The following CHCHD3 variants were observed in gnomAD, a reference collection of about 807,000 sequenced individuals.
CHCHD3 encodes the protein MICOS complex subunit MIC19.
A neutral mutation model predicts 38.2 loss-of-function variants in CHCHD3; 20 were observed. The ratio of observed to expected loss-of-function variants is 0.52; its 90% CI spans 0.37 to 0.76. The LOEUF (loss-of-function observed/expected upper bound fraction) is 0.76, where lower values mean the gene tolerates loss of function less well. CHCHD3 is among the 30% of genes least tolerant of loss of function. The pLI is 0.00. For synonymous variants in CHCHD3, 82 were observed against 100.0 expected, an observed-to-expected ratio of 0.82 and a Z score of 1.07; for missense variants, 245 against 279.2, an observed-to-expected ratio of 0.88 and a Z score of 0.87.
chr7:132,873,414 ATTTT>A lies in CHCHD3; in HGVS notation c.453+12244_453+12247del, dbSNP rs57694292. 2.8e-3 allele frequency among the ~76,000 whole-genome samples: 364 copies of A among 129,564 alleles called. 1 individual carries two copies. The highest frequency in any genetic ancestry group is 6.6e-3 in the African/African-American group (239 of 35,950). 85.0% of individuals were successfully genotyped at this position (129,564 alleles called of 152,430 possible). On this transcript the variant is annotated intron_variant, in intron 5 of 7. Coordinates refer to ENST00000262570, the MANE Select transcript of CHCHD3 (RefSeq NM_017812.4). ...ATAATAATCCCTCAATTCATGGTAA[ATTTT>A]TTTTTTTTTTTTTTGAGACGGGTCT... is the stretch of plus-strand genomic sequence containing the variant.
intron 3 of CHCHD3, among the ~76,000 whole-genome samples, chr7:132,980,902 G>T (rs779067927): frequency 6.6e-6 from 1 of 152,158 alleles, no homozygotes; most frequent in African/African-American, 2.4e-5. Flanking sequence ...AGTAGAAAGA[G>T]AATTTTAAAG....
chr7:133,055,224 AT>A (rs1227423587), intron 2 of CHCHD3, among the ~76,000 whole-genome samples: 1 of 148,104 alleles, frequency 6.8e-6, no homozygotes, highest in African/African-American at 2.5e-5. Flanking sequence ...TACACATATA[AT>A]TTTGCATATA....
At position 132,992,780 on chromosome 7, in the gene CHCHD3, C is replaced by CT. The variant is rs542266437; in HGVS notation, c.252-17495dup. On this transcript the variant is annotated intron_variant, in intron 3 of 7. Coordinates refer to ENST00000262570, the MANE Select transcript of CHCHD3 (RefSeq NM_017812.4). Reference sequence around the variant, plus strand: ...GTTAAACAGTACTGCTTTAGAGTTACTTTTTTTTGTTTGTTTTTGCCTTTT... The same window carrying CT: ...GTTAAACAGTACTGCTTTAGAGTTACTTTTTTTTTGTTTGTTTTTGCCTTTT... Among the ~76,000 whole-genome samples, 617 of 152,130 alleles carry CT rather than the reference C, an allele frequency of 4.1e-3. 4 individuals are homozygous for CT. The highest frequency in any genetic ancestry group is 0.037 in the South Asian group (180 of 4,818).
intron 3 of CHCHD3, among the ~76,000 whole-genome samples, chr7:133,016,247 T>C: frequency 6.6e-6 from 1 of 152,098 alleles, no homozygotes; most frequent in South Asian, 2.1e-4. Flanking sequence ...TGAATGAAAA[T>C]ACATAAAATG....
intron 4 of CHCHD3, among the ~76,000 whole-genome samples, chr7:132,956,206 T>C (rs1207267116): frequency 1.3e-5 from 2 of 152,206 alleles, no homozygotes. Flanking sequence ...GCCCTGAAGA[T>C]TACAGACTTG....
Position 132,796,595 on chromosome 7 carries a change from G to T in CHCHD3, c.525-18C>A, listed in dbSNP as rs1194475418. The stretch of plus-strand genomic sequence containing the variant: ...CATATCGCCTGAAAACAAACACAGG[G>T]ACCGCTGAGACCAATGGTCTTCATT... On this transcript the variant is annotated intron_variant, in intron 6 of 7. Transcript: ENST00000262570. 1 of 1,611,860 alleles carries T rather than the reference G, an allele frequency of 6.2e-7. No homozygotes were observed. The highest frequency in any genetic ancestry group is 1.7e-5 in the Admixed American group (1 of 59,982).
intron 2 of CHCHD3, among the ~76,000 whole-genome samples, chr7:133,026,574 G>A (rs556158284): frequency 3.2e-4 from 48 of 152,272 alleles, no homozygotes; most frequent in African/African-American, 1.2e-3. Flanking sequence ...ACTCATACAT[G>A]AGTATTTACA....
chr7:132,877,873 C>T (rs1022987046), intron 5 of CHCHD3, among the ~76,000 whole-genome samples: 3 of 152,084 alleles, frequency 2.0e-5, no homozygotes, highest in Non-Finnish European at 4.4e-5. Context: ...ACTAGTATAA[C>T]CCACGTAGGC....
chr7:133,035,931 C>A lies in CHCHD3; in HGVS notation c.170-11304G>T. 1 of 1,550,546 alleles carries A rather than the reference C, an allele frequency of 6.4e-7. No individual in the cohort carries two copies. ...GGTCCCAGCCGCCATGGTGATTCCG[C>A]AAAGAAAGGCTGGATCCAGTCTTAA... is the stretch of plus-strand genomic sequence containing the variant. On this transcript the variant is annotated intron_variant, in intron 2 of 7. Transcript: ENST00000262570. The surrounding 1 kb of genome is among the most constrained non-coding windows in gnomAD (Gnocchi z 4.7).
intron 3 of CHCHD3, among the ~76,000 whole-genome samples, chr7:133,010,673 G>A (rs1812842606): frequency 6.6e-6 from 1 of 152,080 alleles, no homozygotes; most frequent in African/African-American, 2.4e-5. Flanking sequence ...CTGGCTCCCA[G>A]GTTCAAGCGA....
In CHCHD3 at chr7:132,796,572, T is replaced by C. The variant is rs775347914; in HGVS notation, c.530A>G (p.Tyr177Cys). 6 of 1,613,722 alleles carry C rather than the reference T, an allele frequency of 3.7e-6. No individual in the cohort carries two copies. Among genetic ancestry groups the C allele is most frequent in the Middle Eastern group, 1.7e-4 (1 of 6,052 alleles). The change falls in exon 7 of 8, where the codon TAT becomes TGT. Residue 177 changes from tyrosine to cysteine, a missense_variant. Tyr to Cys is a radical substitution (Grantham distance 194). Coordinates refer to ENST00000262570, the MANE Select transcript of CHCHD3 (RefSeq NM_017812.4). Reference sequence around the variant, plus strand: ...ATCAGCACAGACTGGATGAGACTCATATCGCCTGAAAACAAACACAGGGAC... The same window carrying C: ...ATCAGCACAGACTGGATGAGACTCACATCGCCTGAAAACAAACACAGGGAC... ...AEEVEAKFKRYESHPVCADLQ... is the reference protein window; with the variant it reads ...AEEVEAKFKRCESHPVCADLQ...
intron 5 of CHCHD3, among the ~76,000 whole-genome samples, chr7:132,871,613 C>T (rs1187139455): frequency 6.6e-6 from 1 of 152,146 alleles, no homozygotes; most frequent in East Asian, 1.9e-4. Context: ...CTTCTATTTC[C>T]GCTGCCCACG....
At chr7:132,889,883 T>C (rs552120533) in intron 4 of CHCHD3, among the ~76,000 whole-genome samples, 3 of 152,328 alleles carry the variant, frequency 2.0e-5, no homozygotes, top group East Asian at 1.9e-4. Flanking sequence ...TGAAACTCCG[T>C]AGAGCTCTCT....
At position 132,860,719 on chromosome 7, in the gene CHCHD3, T is replaced by C. The variant is rs1254464969; in HGVS notation, c.454-22250A>G. Among the ~76,000 whole-genome samples the C allele has an allele frequency of 2.0e-5, 3 of 152,104 alleles. No homozygotes were observed. In the East Asian group the frequency reaches 5.8e-4, roughly 29 times the overall value. Reference sequence around the variant, plus strand: ...TCAGCTCATTGCAACCTCCACCTCCTGGGTTCAAGAGATTCTCCTGCCTCG... The same window carrying C: ...TCAGCTCATTGCAACCTCCACCTCCCGGGTTCAAGAGATTCTCCTGCCTCG... On this transcript the variant is annotated intron_variant, in intron 5 of 7. Transcript: ENST00000262570.
rs774870383 is a variant in CHCHD3 at position 133,070,225 on chromosome 7, G to A, written c.86C>T (p.Ser29Leu). 7.4e-6 allele frequency: 12 copies of A among 1,612,460 alleles called. No homozygotes were observed. Among genetic ancestry groups the A allele is most frequent in the Middle Eastern group, 1.7e-4 (1 of 6,028 alleles). ...CTTCATTCGATCAATCACATTTTCC[G>A]AAAGCTGGAAAAGCAACATCAAAAT... Reference protein sequence around the residue: ...NITVVKGIRLSENVIDRMKES... With the variant: ...NITVVKGIRLLENVIDRMKES... Residue 29 changes from serine to leucine, a missense_variant, in exon 2 of 8, where the codon TCG becomes TTG. Transcript: ENST00000262570.
intron 1 of CHCHD3, among the ~76,000 whole-genome samples, chr7:133,074,451 T>C (rs767634719): frequency 6.6e-6 from 1 of 152,180 alleles, no homozygotes; most frequent in Non-Finnish European, 1.5e-5. Flanking sequence ...ACTGGGAATG[T>C]TGCTGAAACC....
At chr7:133,036,916 T>C (rs971896451) in intron 2 of CHCHD3, among the ~76,000 whole-genome samples, 1 of 152,192 alleles carries the variant, frequency 6.6e-6, no homozygotes, top group Non-Finnish European at 1.5e-5. Flanking sequence ...TTTGTTGGTT[T>C]TTTTAACCTA....
chr7:133,050,901 A>C (rs2117500492), intron 2 of CHCHD3, among the ~76,000 whole-genome samples: 1 of 152,200 alleles, frequency 6.6e-6, no homozygotes, highest in South Asian at 2.1e-4. Context: ...CTGTAATCCC[A>C]GCTACTCAGG....
chr7:132,900,608 T>C (rs1809643027), intron 4 of CHCHD3, among the ~76,000 whole-genome samples: 1 of 152,226 alleles, frequency 6.6e-6, no homozygotes, highest in Non-Finnish European at 1.5e-5. Context: ...AGTGCTGGAC[T>C]CAAAAGAATA....
Sources: gnomAD v4.1 joint callset for allele counts (sites outside exome capture counted in the v4.1 genomes callset) on GRCh38, gnomAD v4.1.1 for gene constraint, Gnocchi (gnomAD v3.1) non-coding constraint, MANE v1.5 for transcripts, NCBI Gene and HGNC (gene_info 2026-07-23, HGNC 2026-07-21) for gene names.